Variants in EYS observed in about 807,000 individuals in gnomAD.
EYS encodes the protein EGF-like photoreceptor maintenance factor.
A neutral mutation model predicts 282.1 loss-of-function variants in EYS; 250 were observed. The observed-to-expected ratio is 0.89, with a 90% CI of 0.80 to 0.98. The LOEUF (loss-of-function observed/expected upper bound fraction) is 0.98, where lower values mean the gene tolerates loss of function less well. Ranked by LOEUF, EYS falls within the 50% of genes least tolerant of loss-of-function variation. The probability of loss-of-function intolerance (pLI) is 0.00; values close to 1 mark genes in which losing one functional copy is unlikely to be tolerated. For synonymous variants in EYS, 1,355 were observed against 1,282.9 expected (o/e 1.06, Z -1.20); for missense variants, 4,016 against 3,709.0 (o/e 1.08, Z -2.15).
At chr6:65,311,300 T>G (rs1769152466) in intron 11 of EYS, among the ~76,000 whole-genome samples, 1 of 152,144 alleles carries the variant, frequency 6.6e-6, no homozygotes, top group Non-Finnish European at 1.5e-5. Flanking sequence ...TTTAATCCTA[T>G]TTTCTATGTT....
intron 30 of EYS, among the ~76,000 whole-genome samples, chr6:64,231,539 G>A (rs1265824476): frequency 6.6e-6 from 1 of 152,084 alleles, no homozygotes; most frequent in Non-Finnish European, 1.5e-5. Context: ...AATATTGGAA[G>A]TTTGTTTAAT....
chr6:65,561,942 AT>A (rs1769075971), intron 2 of EYS, among the ~76,000 whole-genome samples: 1 of 151,618 alleles, frequency 6.6e-6, no homozygotes. Context: ...AAAATACAGT[AT>A]TTTAATGTAA....
intron 8 of EYS, among the ~76,000 whole-genome samples, chr6:65,364,432 C>T (rs536939250): frequency 7.9e-5 from 12 of 151,068 alleles, no homozygotes; most frequent in Non-Finnish European, 1.5e-4. Context: ...GATAACCTTG[C>T]ATGAGTTGAA....
At chr6:65,570,583 C>T (rs1020713383) in intron 2 of EYS, among the ~76,000 whole-genome samples, 1 of 152,104 alleles carries the variant, frequency 6.6e-6, no homozygotes, top group African/African-American at 2.4e-5. Flanking sequence ...GTGAGAACTC[C>T]TGCTGATACT....
intron 19 of EYS, among the ~76,000 whole-genome samples, chr6:64,844,755 C>G (rs1765669866): frequency 6.6e-6 from 1 of 152,108 alleles, no homozygotes; most frequent in South Asian, 2.1e-4. Flanking sequence ...CTAACAAAAT[C>G]ATTTAACATT....
intron 12 of EYS, among the ~76,000 whole-genome samples, chr6:65,203,711 C>A (rs781740864): frequency 7.9e-5 from 12 of 152,050 alleles, no homozygotes; most frequent in Non-Finnish European, 1.2e-4. Context: ...GGCTTCCTAG[C>A]AATGGATCAT....
intron 12 of EYS, among the ~76,000 whole-genome samples, chr6:65,209,605 G>A (rs868270602): frequency 4.8e-4 from 73 of 151,888 alleles, no homozygotes; most frequent in Admixed American, 3.3e-4. Context: ...ATAGGCACTG[G>A]AAAGAGTTTC....
chr6:65,651,708 C>T (rs1767656775), intron 1 of EYS, among the ~76,000 whole-genome samples: 1 of 151,968 alleles, frequency 6.6e-6, no homozygotes, highest in Admixed American at 6.6e-5. Context: ...TCCTTACTTT[C>T]ATGTTTACTT....
Position 64,590,528 on chromosome 6 carries a change from G to A in EYS, c.5339C>T (p.Ser1780Leu), listed in dbSNP as rs1335383816. 1.3e-6 allele frequency: 2 copies of A among 1,551,286 alleles called. No homozygotes were observed. The highest frequency in any genetic ancestry group is 4.9e-5 in the East Asian group (2 of 40,920). Residue 1780 changes from serine to leucine, a missense_variant, in exon 26 of 43, where the codon TCA becomes TTA. Ser to Leu is a moderately radical substitution (Grantham distance 145). Coordinates refer to ENST00000503581, the MANE Select transcript of EYS (RefSeq NM_001142800.2). ...GGTGACTTCTGAAAAATCAGGCACT[G>A]AGCCTGTCAATGGTGGCAGATTATT... ...FKNNLPPLTG[S>L]VPDFSEVTTN... is the part of the protein sequence containing the mutation.
intron 14 of EYS, among the ~76,000 whole-genome samples, chr6:64,987,546 T>G (rs1345537931): frequency 6.6e-6 from 1 of 151,528 alleles, no homozygotes; most frequent in African/African-American, 2.4e-5. Context: ...CCTTGTTTTG[T>G]GAGTCCTGTG....
At chr6:64,923,859 G>A (rs545962353) in intron 15 of EYS, among the ~76,000 whole-genome samples, 86 of 152,186 alleles carry the variant, frequency 5.7e-4, no homozygotes, top group African/African-American at 2.0e-3. Flanking sequence ...TGCCCCTGTG[G>A]CTTTGCAGGG....
chr6:64,135,669 T>C (rs894950850), intron 31 of EYS, among the ~76,000 whole-genome samples: 1 of 152,082 alleles, frequency 6.6e-6, no homozygotes, highest in Non-Finnish European at 1.5e-5. Flanking sequence ...TCTCACAATT[T>C]TTTAGGTTTT....
intron 2 of EYS, among the ~76,000 whole-genome samples, chr6:65,581,530 G>A (rs1188644029): frequency 1.3e-5 from 2 of 152,092 alleles, no homozygotes; most frequent in Non-Finnish European, 2.9e-5. Context: ...AATACTTGGT[G>A]TGCCAGTCAA....
chr6:65,555,614 G>T (rs1737175602), intron 2 of EYS, among the ~76,000 whole-genome samples: 1 of 152,034 alleles, frequency 6.6e-6, no homozygotes, highest in Non-Finnish European at 1.5e-5. Context: ...TACAGAAGCT[G>T]GTTCAAATAT....
intron 22 of EYS, among the ~76,000 whole-genome samples, chr6:64,789,810 A>C (rs1774132123): frequency 6.6e-6 from 1 of 151,916 alleles, no homozygotes; most frequent in African/African-American, 2.4e-5. Context: ...GGCACAGCAG[A>C]TGCTCAGTAA....
chr6:64,440,653 A>G (rs1774909344), intron 26 of EYS, among the ~76,000 whole-genome samples: 1 of 152,134 alleles, frequency 6.6e-6, no homozygotes, highest in Admixed American at 6.6e-5. Context: ...ATAATACAAT[A>G]ACATTTTAAA....
In EYS at chr6:64,687,210, T is replaced by A. The variant is rs897620660; in HGVS notation, c.3444-60965A>T. Among the ~76,000 whole-genome samples, 20 of 152,106 alleles carry A rather than the reference T, an allele frequency of 1.3e-4. 1 individual carries two copies. The highest frequency in any genetic ancestry group is 1.3e-3 in the Admixed American group (20 of 15,256). On this transcript the variant is annotated intron_variant, in intron 22 of 42. Transcript: ENST00000503581. ...CATTAAGTGGCCAAAGTAACTCTGATACTGAAATCTGACAAATATATTTTA... is the reference window on the plus strand; with the variant it reads ...CATTAAGTGGCCAAAGTAACTCTGAAACTGAAATCTGACAAATATATTTTA...
At chr6:64,669,434 G>A (rs149524775) in intron 22 of EYS, among the ~76,000 whole-genome samples, 10 of 152,266 alleles carry the variant, frequency 6.6e-5, no homozygotes, top group African/African-American at 2.4e-4. Context: ...CCTCAGATTT[G>A]GGCTTGTGTA....
Position 64,617,441 on chromosome 6 carries a change from A to T in EYS, c.3661T>A (p.Cys1221Ser). The T allele has an allele frequency of 1.3e-6, 2 of 1,550,000 alleles. No homozygotes were observed. The highest frequency in any genetic ancestry group is 1.7e-6 in the Non-Finnish European group (2 of 1,145,600). The change falls in exon 24 of 43, where the codon TGT (cysteine) becomes AGT (serine). Residue 1221 changes from cysteine (C) to serine (S), a missense_variant. Transcript: ENST00000503581. ...LCMENEPGSTCLCTPGFMTCS... is the reference protein window; with the variant it reads ...LCMENEPGSTSLCTPGFMTCS... Reference sequence around the variant, plus strand: ...ACCATAAATCCAGGTGTGCATAAACATGTCGAGCCAGGTTCATTCTCCATG... The same window carrying T: ...ACCATAAATCCAGGTGTGCATAAACTTGTCGAGCCAGGTTCATTCTCCATG...
Sources: gnomAD v4.1 joint callset for allele counts (sites outside exome capture counted in the v4.1 genomes callset) on GRCh38, gnomAD v4.1.1 for gene constraint, MANE v1.5 for transcripts, NCBI Gene and HGNC (gene_info 2026-07-23, HGNC 2026-07-21) for gene names.